The following MSN variants were observed in gnomAD, a reference collection of about 807,000 sequenced individuals.
The protein encoded by MSN is epididymis luminal protein 70.
A neutral mutation model predicts 48.0 loss-of-function variants in MSN; 2 were observed. That is an observed-to-expected ratio of 0.04 (90% CI 0.02 to 0.13). MSN has a LOEUF of 0.13. Among genes scored for constraint, MSN ranks in the 10% least tolerant of loss-of-function variants. The probability of loss-of-function intolerance (pLI) is 1.00; values close to 1 mark genes in which losing one functional copy is unlikely to be tolerated. For synonymous variants in MSN, 146 were observed against 166.9 expected (o/e 0.87, Z 0.97); for missense variants, 267 against 470.1 (o/e 0.57, Z 3.99).
intron 1 of MSN, among the ~76,000 whole-genome samples, chrX:65,598,542 G>A (rs1417305632): frequency 1.8e-5 from 2 of 111,554 alleles, no homozygotes; most frequent in East Asian, 5.6e-4. Context: ...AAAATCCTAC[G>A]TCTTGAATAG....
chrX:65,684,990 C>T (rs1202239751), intron 1 of MSN, among the ~76,000 whole-genome samples: 1 of 112,549 alleles, frequency 8.9e-6, no homozygotes, highest in Non-Finnish European at 1.9e-5. Context: ...CCTATCACCT[C>T]AGCCTCCCAA....
At chrX:65,679,385 C>A (rs2071032559) in intron 1 of MSN, among the ~76,000 whole-genome samples, 1 of 111,992 alleles carries the variant, frequency 8.9e-6, no homozygotes, top group African/African-American at 3.2e-5. Context: ...CTCCCTTTCC[C>A]CTTCCTCTAT....
At chrX:65,667,367 T>C (rs1332408515), upstream of MSN, among the ~76,000 whole-genome samples, 1 of 109,435 alleles carries the variant, frequency 9.1e-6, no homozygotes, top group African/African-American at 3.3e-5. Flanking sequence ...GGGCCCAGGG[T>C]CTGGGCCCTG....
chrX:65,685,749 C>T (rs1424827088), intron 1 of MSN, among the ~76,000 whole-genome samples: 2 of 111,664 alleles, frequency 1.8e-5, no homozygotes, highest in Non-Finnish European at 3.8e-5. Context: ...CTGTGCCTGG[C>T]CAATTTTAAT....
intron 1 of MSN, among the ~76,000 whole-genome samples, chrX:65,653,840 C>T (rs1358081848): frequency 9.0e-6 from 1 of 110,692 alleles, no homozygotes; most frequent in Non-Finnish European, 1.9e-5. Context: ...GTGGCGCGAC[C>T]TCGGCTGACT....
chrX:65,716,416 C>T (rs1298517179), intron 1 of MSN: 2 of 217,182 alleles, frequency 9.2e-6, no homozygotes, highest in African/African-American at 2.9e-5. Context: ...GCTTGAACTA[C>T]AGGTGTGCAC....
intron 1 of MSN, among the ~76,000 whole-genome samples, chrX:65,680,065 T>C (rs1367517780): frequency 9.0e-6 from 1 of 111,643 alleles, no homozygotes; most frequent in Non-Finnish European, 1.9e-5. Flanking sequence ...GCGATGCCAG[T>C]TGTAGGTGGT....
chrX:65,642,346 TTATGG>T (rs2070663027), intron 1 of MSN, among the ~76,000 whole-genome samples: 1 of 97,795 alleles, frequency 1.0e-5, no homozygotes, highest in African/African-American at 4.8e-5. Flanking sequence ...AGAGTGTACA[TTATGG>T]TGTGTGTGTG....
At chrX:65,612,364 T>G (rs2070327572) in intron 1 of MSN, among the ~76,000 whole-genome samples, 1 of 111,237 alleles carries the variant, frequency 9.0e-6, no homozygotes, top group Admixed American at 9.7e-5. Flanking sequence ...CCAATACTTT[T>G]CTGTTCCTCA....
At chrX:65,617,880 G>A (rs2070391373) in intron 1 of MSN, among the ~76,000 whole-genome samples, 1 of 110,058 alleles carries the variant, frequency 9.1e-6, no homozygotes, top group Non-Finnish European at 1.9e-5. Flanking sequence ...TGCTTTGAAT[G>A]CATCCCAGAG....
upstream of MSN, among the ~76,000 whole-genome samples, chrX:65,664,316 A>G (rs757644005): frequency 1.1e-4 from 12 of 111,351 alleles, no homozygotes; most frequent in Non-Finnish European, 7.5e-5. Flanking sequence ...ACTGAAAACT[A>G]CTAGAGGTGG....
chrX:65,657,882 T>C (rs2070793336), intron 1 of MSN, among the ~76,000 whole-genome samples: 1 of 111,979 alleles, frequency 8.9e-6, no homozygotes, highest in South Asian at 3.7e-4. Context: ...CCCAGATCCC[T>C]GTGCCACCAT....
chrX:65,703,527 C>A (rs1245788425), intron 1 of MSN, among the ~76,000 whole-genome samples: 2 of 110,571 alleles, frequency 1.8e-5, no homozygotes, highest in Non-Finnish European at 3.8e-5. Context: ...GGAAGCCAAC[C>A]TTAGCCTACC....
chrX:65,666,091 C>A (rs777858800), upstream of MSN, among the ~76,000 whole-genome samples: 1 of 110,615 alleles, frequency 9.0e-6, no homozygotes, highest in Admixed American at 9.6e-5. Flanking sequence ...GGGCTCAGTG[C>A]AGCCTCCGCC....
chrX:65,656,908 G>T (rs2070785842), intron 1 of MSN, among the ~76,000 whole-genome samples: 1 of 111,148 alleles, frequency 9.0e-6, no homozygotes, highest in Non-Finnish European at 1.9e-5. Context: ...TGTGTGCATT[G>T]GTGTGTGTGT....
chrX:65,714,141 T>C (rs1273726839), intron 1 of MSN, among the ~76,000 whole-genome samples: 3 of 112,050 alleles, frequency 2.7e-5, no homozygotes, highest in Non-Finnish European at 5.6e-5. Flanking sequence ...ACTCCATTCA[T>C]GTTCCTGCAA....
intron 1 of MSN, chrX:65,588,711 G>A (rs1224993663): frequency 6.1e-6 from 4 of 658,315 alleles, no homozygotes; most frequent in Non-Finnish European, 7.4e-6. Context: ...AACATGGGAG[G>A]TTTAGGCAAA....
In MSN at chrX:65,739,144, G is replaced by C; in HGVS notation, c.1519G>C (p.Glu507Gln). ...DAMAKDRSEEERTTEAEKNER... is the reference protein window; with the variant it reads ...DAMAKDRSEEQRTTEAEKNER... ...TATGGCCAAGGACCGCAGTGAGGAG[G>C]AACGTACCACTGAGGCAGAGAAGAA... The change falls in exon 12 of 13, where the codon GAA becomes CAA. Residue 507 changes from glutamate to glutamine, a missense_variant. Coordinates refer to ENST00000360270, the MANE Select transcript of MSN (RefSeq NM_002444.3). 1 of 1,211,754 alleles carries C rather than the reference G, an allele frequency of 8.3e-7. No individual in the cohort carries two copies. The highest frequency in any genetic ancestry group is 1.1e-6 in the Non-Finnish European group (1 of 895,369).
chrX:65,668,670 G>A (rs2148383044), intron 1 of MSN, among the ~76,000 whole-genome samples: 1 of 112,045 alleles, frequency 8.9e-6, no homozygotes, highest in East Asian at 2.8e-4. Context: ...TGTTACGAGA[G>A]GAACAGAAGC....
Sources: allele counts gnomAD v4.1 joint callset (sites outside exome capture counted in the v4.1 genomes callset), GRCh38; gene constraint gnomAD v4.1.1; transcripts MANE v1.5; gene names NCBI Gene and HGNC (gene_info 2026-07-23, HGNC 2026-07-21).